The following SND1 variants were observed in gnomAD, a reference collection of about 807,000 sequenced individuals.
SND1 encodes the protein staphylococcal nuclease domain-containing protein 1.
SND1 carries 38 observed loss-of-function variants against 121.7 expected under a neutral mutation model. That is an observed-to-expected ratio of 0.31 (90% CI 0.24 to 0.41). The LOEUF is 0.41. Among genes scored for constraint, SND1 ranks in the 10% least tolerant of loss-of-function variants. SND1 has a pLI of 1.00. For missense variants in SND1, 868 were observed against 1,184.6 expected, an observed-to-expected ratio of 0.73 and a Z score of 3.92; for synonymous variants, 401 against 447.4, an observed-to-expected ratio of 0.90 and a Z score of 1.31.
chr7:127,820,764 AT>A (rs1180602277), intron 11 of SND1, among the ~76,000 whole-genome samples: 3 of 151,896 alleles, frequency 2.0e-5, no homozygotes, highest in African/African-American at 7.3e-5. Context: ...CCAACATGAA[AT>A]TGTCAAAATG....
In SND1 at chr7:128,049,883, C is replaced by T. The variant is rs181091523; in HGVS notation, c.1780-24619C>T. On this transcript the variant is annotated intron_variant, in intron 16 of 23. Transcript: ENST00000354725. ...GTGTGAAGGTAAAAGAGATTCTGAG[C>T]TAATGTCTTAGAATCATCAAGTGAA... 2.6e-3 allele frequency among the ~76,000 whole-genome samples: 399 copies of T among 152,260 alleles called. 4 individuals carry two copies. The highest frequency in any genetic ancestry group is 2.2e-3 in the Non-Finnish European group (153 of 68,020).
At chr7:127,759,578 A>G (rs2116473502) in intron 10 of SND1, among the ~76,000 whole-genome samples, 1 of 152,322 alleles carries the variant, frequency 6.6e-6, no homozygotes, top group African/African-American at 2.4e-5. Context: ...AATGGTATCT[A>G]AAAGTCAAGA....
chr7:128,065,916 G>T (rs1023331366), intron 16 of SND1, among the ~76,000 whole-genome samples: 27 of 152,318 alleles, frequency 1.8e-4, no homozygotes, highest in African/African-American at 6.0e-4. Flanking sequence ...AGGGCCCCCT[G>T]ATTCTAGCCA....
intron 12 of SND1, among the ~76,000 whole-genome samples, chr7:127,873,010 A>G (rs926104817): frequency 2.6e-5 from 4 of 152,182 alleles, no homozygotes. Context: ...ATCTTTGTGA[A>G]AACCAGAGAT....
chr7:127,951,831 A>AAAAAC (rs1392090530), intron 15 of SND1, among the ~76,000 whole-genome samples: 2 of 152,344 alleles, frequency 1.3e-5, no homozygotes, highest in South Asian at 2.1e-4. Flanking sequence ...TGAAAAAAGC[A>AAAAAC]AAAACAAAAC....
intron 12 of SND1, among the ~76,000 whole-genome samples, chr7:127,850,545 T>G (rs1277992146): frequency 6.6e-6 from 1 of 152,192 alleles, no homozygotes; most frequent in East Asian, 1.9e-4. Context: ...GACTTACGCT[T>G]TAATCATAGT....
chr7:127,996,128 T>TA (rs1042478219), intron 16 of SND1, among the ~76,000 whole-genome samples: 5 of 147,890 alleles, frequency 3.4e-5, no homozygotes, highest in African/African-American at 1.2e-4. Context: ...CTCTCTCCCT[T>TA]ACTCCCTGCT....
chr7:128,089,587 T>C lies in SND1; in HGVS notation c.2517T>C (p.His839=). 6.2e-7 allele frequency: 1 copy of C among 1,614,184 alleles called. No homozygotes were observed. Among genetic ancestry groups the C allele is most frequent in the African/African-American group, 1.3e-5 (1 of 75,056 alleles). The change falls in exon 22 of 24, where the codon CAT becomes CAC. Residue 839 remains histidine, a synonymous_variant. Transcript: ENST00000354725. Reference sequence around the variant, plus strand: ...AACACCTGAGTGCCGGCTGCCCCCATGTCACCCTGCAGTTTGCAGATTCCA... The same window carrying C: ...AACACCTGAGTGCCGGCTGCCCCCACGTCACCCTGCAGTTTGCAGATTCCA... ...NVEHLSAGCP[H]VTLQFADSKG... is the part of the protein sequence containing the mutation.
intron 15 of SND1, among the ~76,000 whole-genome samples, chr7:127,929,991 GA>G (rs1800928001): frequency 6.6e-6 from 1 of 152,148 alleles, no homozygotes; most frequent in African/African-American, 2.4e-5. Flanking sequence ...TGTGCTCTTT[GA>G]GCAATTTACA....
chr7:127,798,767 A>T (rs897471717), intron 10 of SND1, among the ~76,000 whole-genome samples: 1 of 152,184 alleles, frequency 6.6e-6, no homozygotes, highest in African/African-American at 2.4e-5. Flanking sequence ...TCACATGGTC[A>T]GATACAGTGG....
At chr7:128,081,282 C>T in intron 17 of SND1, 78 bp from the exon 18 acceptor site, 6 of 1,564,036 alleles carry the variant, frequency 3.8e-6, no homozygotes, top group Non-Finnish European at 5.2e-6. Flanking sequence ...AGGCATGAGC[C>T]ACCACGCCTG....
Position 128,091,857 on chromosome 7 carries a change from C to A in SND1, c.2643C>A (p.Ala881=), listed in dbSNP as rs1312874704. 6.2e-7 allele frequency: 1 copy of A among 1,614,028 alleles called. No individual in the cohort carries two copies. Among genetic ancestry groups the A allele is most frequent in the Non-Finnish European group, 8.5e-7 (1 of 1,180,028 alleles). The change falls in exon 23 of 24, where the codon GCC becomes GCA. Residue 881 remains alanine, a synonymous_variant. Transcript: ENST00000354725. ...FQKVITEYLN[A]QESAKSARLN... ...TCCAGATCACAGAATACCTGAATGC[C>A]CAAGAGTCAGCCAAGAGCGCCAGGG...
chr7:127,747,776 G>T (rs983375769), intron 10 of SND1, among the ~76,000 whole-genome samples: 5 of 152,128 alleles, frequency 3.3e-5, no homozygotes, highest in Non-Finnish European at 5.9e-5. Context: ...GGTGACTTTT[G>T]CCTTTCCATT....
chr7:127,985,464 G>A (rs960501311), intron 15 of SND1, among the ~76,000 whole-genome samples: 6 of 152,090 alleles, frequency 3.9e-5, no homozygotes, highest in Admixed American at 2.0e-4. Context: ...CACCATCTTG[G>A]CCAGGCTGGT....
chr7:127,928,293 T>G (rs1800888596), intron 14 of SND1: 1 of 152,202 alleles, frequency 6.6e-6, no homozygotes, highest in African/African-American at 2.4e-5. Flanking sequence ...CTGTTCTAGA[T>G]TTCCCTGGGT....
rs13230113 is a variant in SND1 at position 127,908,972 on chromosome 7, C to T, written c.1527+4153C>T. On this transcript the variant is annotated intron_variant, in intron 14 of 23. Coordinates refer to ENST00000354725, the MANE Select transcript of SND1 (RefSeq NM_014390.4). ...AGATTAGAGAGAGCTCCCCACTCCT[C>T]AAGTTGCAGCCAGCCCTGCGAGTGC... 2.3e-3 allele frequency among the ~76,000 whole-genome samples: 351 copies of T among 152,290 alleles called. 1 individual carries two copies. Among genetic ancestry groups the T allele is most frequent in the Middle Eastern group, 3.4e-3 (1 of 294 alleles).
intron 12 of SND1, among the ~76,000 whole-genome samples, chr7:127,861,291 G>A (rs1799373862): frequency 6.6e-6 from 1 of 152,126 alleles, no homozygotes. Context: ...ATTGTATCAT[G>A]GGTTGGCAGA....
intron 14 of SND1, among the ~76,000 whole-genome samples, chr7:127,909,256 C>T (rs1169930215): frequency 6.6e-6 from 1 of 152,084 alleles, no homozygotes; most frequent in African/African-American, 2.4e-5. Flanking sequence ...GTAGTCCTGA[C>T]AGCTCCTCTG....
intron 6 of SND1, 80 bp downstream of exon 6, chr7:127,702,606 G>A (rs187793599): frequency 2.7e-5 from 31 of 1,142,990 alleles, no homozygotes; most frequent in Non-Finnish European, 4.1e-5. Flanking sequence ...TGGGGACTTC[G>A]GATCTGCTGT....
Sources: gnomAD v4.1 joint callset for allele counts (sites outside exome capture counted in the v4.1 genomes callset) on GRCh38, gnomAD v4.1.1 for gene constraint, MANE v1.5 for transcripts, NCBI Gene and HGNC (gene_info 2026-07-23, HGNC 2026-07-21) for gene names.